SLIT3: variants seen among roughly 807,000 people sequenced by gnomAD.
SLIT3 encodes slit homolog 3 protein.
A neutral mutation model predicts 184.0 loss-of-function variants in SLIT3; 68 were observed. That is an observed-to-expected ratio of 0.37 (90% confidence interval 0.30 to 0.45). The LOEUF (loss-of-function observed/expected upper bound fraction) is 0.45, where lower values mean the gene tolerates loss of function less well. SLIT3 is among the 20% of genes least tolerant of loss of function. The pLI is 1.00. For missense variants in SLIT3, 1,707 were observed against 2,026.0 expected, an observed-to-expected ratio of 0.84 and a Z score of 3.02; for synonymous variants, 831 against 828.6, an observed-to-expected ratio of 1.00 and a Z score of -0.05.
intron 4 of SLIT3, among the ~76,000 whole-genome samples, chr5:168,946,402 T>C (rs1762485112): frequency 1.3e-5 from 2 of 152,188 alleles, no homozygotes; most frequent in African/African-American, 4.8e-5. Context: ...GCTGGAGACA[T>C]TGGGCCCCAA....
intron 9 of SLIT3, among the ~76,000 whole-genome samples, chr5:168,801,772 C>T (rs955615433): frequency 6.6e-6 from 1 of 152,202 alleles, no homozygotes; most frequent in Non-Finnish European, 1.5e-5. Flanking sequence ...TCGGTGGGAG[C>T]TCAGCTTCGA....
chr5:168,943,542 A>C (rs945522140), intron 4 of SLIT3, among the ~76,000 whole-genome samples: 3 of 152,234 alleles, frequency 2.0e-5, no homozygotes, highest in Admixed American at 6.5e-5. Context: ...ACTCTAGATT[A>C]GCTTCTCTAA....
intron 1 of SLIT3, among the ~76,000 whole-genome samples, chr5:169,289,704 C>A (rs968867964): frequency 6.6e-6 from 1 of 152,186 alleles, no homozygotes; most frequent in African/African-American, 2.4e-5. Context: ...ATGGAGAATA[C>A]ATAGAGGGCA....
chr5:168,944,646 G>A (rs1490359191), intron 4 of SLIT3, among the ~76,000 whole-genome samples: 2 of 152,124 alleles, frequency 1.3e-5, no homozygotes, highest in Non-Finnish European at 2.9e-5. Flanking sequence ...AGTATGGGTT[G>A]AGTCAGTGAA....
intron 4 of SLIT3, among the ~76,000 whole-genome samples, chr5:168,938,723 C>G (rs777782960): frequency 1.3e-5 from 2 of 152,212 alleles, no homozygotes; most frequent in Admixed American, 6.5e-5. Flanking sequence ...CTCCTCCTCC[C>G]GGGTTCAAGC....
At chr5:168,987,879 T>C (rs113330512) in intron 4 of SLIT3, among the ~76,000 whole-genome samples, 1,696 of 152,326 alleles carry the variant, frequency 0.011, 29 homozygotes, top group African/African-American at 0.039. Flanking sequence ...GGACTGAATA[T>C]CCTCATAGGC....
intron 12 of SLIT3, among the ~76,000 whole-genome samples, chr5:168,781,482 T>C (rs1303394211): frequency 6.6e-6 from 1 of 152,186 alleles, no homozygotes; most frequent in African/African-American, 2.4e-5. Flanking sequence ...GGAAGAACCC[T>C]TCCCTCAAGA....
chr5:168,801,129 G>A (rs934032580), intron 9 of SLIT3, among the ~76,000 whole-genome samples: 1 of 151,768 alleles, frequency 6.6e-6, no homozygotes, highest in Non-Finnish European at 1.5e-5. Context: ...TCTGTTCCCA[G>A]TCACTCTGTC....
chr5:169,004,553 A>T (rs1182618341), intron 4 of SLIT3, among the ~76,000 whole-genome samples: 1 of 152,164 alleles, frequency 6.6e-6, no homozygotes, highest in Non-Finnish European at 1.5e-5. Flanking sequence ...GACTCAGCTC[A>T]ACAGACCTGA....
intron 4 of SLIT3, among the ~76,000 whole-genome samples, chr5:169,123,827 T>G (rs951677221): frequency 6.6e-6 from 1 of 152,148 alleles, no homozygotes; most frequent in Non-Finnish European, 1.5e-5. Context: ...TGACAGTGTT[T>G]TGGGATGTTC....
rs527519693 is a variant in SLIT3 at position 168,663,064 on chromosome 5, G to A, written c.*3390C>T. On this transcript the variant is annotated 3_prime_UTR_variant, in exon 36 of 36. Coordinates refer to ENST00000519560, the MANE Select transcript of SLIT3 (RefSeq NM_003062.4). Reference sequence around the variant, plus strand: ...CCTTTTGCTGTCTTGGTTGATGGGGGCTGGATTCAGGATTGGGCCCAGGGT... The same window carrying A: ...CCTTTTGCTGTCTTGGTTGATGGGGACTGGATTCAGGATTGGGCCCAGGGT... The A allele has an allele frequency of 2.0e-5, 3 of 152,248 alleles. No individual in the cohort carries two copies. The highest frequency in any genetic ancestry group is 2.0e-4 in the Admixed American group (3 of 15,278). 9.4% of individuals were successfully genotyped at this position (152,248 alleles called of 1,614,324 possible).
intron 4 of SLIT3, among the ~76,000 whole-genome samples, chr5:168,883,544 G>A (rs1234619317): frequency 6.6e-6 from 1 of 152,244 alleles, no homozygotes; most frequent in African/African-American, 2.4e-5. Flanking sequence ...ACCAGGCGGA[G>A]CAGCTCGCCT....
At chr5:168,690,651 G>A (rs1343924457) in intron 29 of SLIT3, among the ~76,000 whole-genome samples, 1 of 152,162 alleles carries the variant, frequency 6.6e-6, no homozygotes, top group Admixed American at 6.5e-5. Flanking sequence ...TAGGCGGGGA[G>A]GTCCTGTGAG....
At chr5:169,090,897 C>T (rs1396171213) in intron 4 of SLIT3, among the ~76,000 whole-genome samples, 2 of 152,228 alleles carry the variant, frequency 1.3e-5, no homozygotes, top group Admixed American at 6.5e-5. Flanking sequence ...CGAAAGAATA[C>T]GTGACTGTTA....
intron 9 of SLIT3, among the ~76,000 whole-genome samples, chr5:168,796,776 C>T (rs1388819514): frequency 6.6e-6 from 1 of 152,108 alleles, no homozygotes. Flanking sequence ...ATTGGGGGAA[C>T]AGAATATTTG....
chr5:168,877,850 G>A (rs1241699867), intron 5 of SLIT3, among the ~76,000 whole-genome samples: 1 of 143,148 alleles, frequency 7.0e-6, no homozygotes, highest in East Asian at 2.0e-4. Flanking sequence ...GAAAGACAGG[G>A]CAAGGGGACA....
At chr5:168,714,683 G>GC (rs1172808812) in intron 23 of SLIT3, among the ~76,000 whole-genome samples, 1 of 152,120 alleles carries the variant, frequency 6.6e-6, no homozygotes, top group Non-Finnish European at 1.5e-5. Context: ...TCCTGGTTTG[G>GC]CCCCCAAAGA....
intron 32 of SLIT3, among the ~76,000 whole-genome samples, chr5:168,674,744 G>A (rs992254007): frequency 2.0e-5 from 3 of 151,760 alleles, no homozygotes; most frequent in Admixed American, 6.6e-5. Flanking sequence ...CACTTGCCTC[G>A]GCCTCCCAAA....
intron 1 of SLIT3, among the ~76,000 whole-genome samples, chr5:169,288,190 T>C (rs1375611167): frequency 6.6e-6 from 1 of 152,174 alleles, no homozygotes; most frequent in East Asian, 1.9e-4. Flanking sequence ...GCTGCTGTGC[T>C]GTGTGTCAGT....
Sources: allele counts gnomAD v4.1 joint callset (sites outside exome capture counted in the v4.1 genomes callset), GRCh38; gene constraint gnomAD v4.1.1; transcripts MANE v1.5; gene names NCBI Gene and HGNC (gene_info 2026-07-23, HGNC 2026-07-21).